The following YEATS2 variants were observed in gnomAD, a reference collection of about 807,000 sequenced individuals.
YEATS2 encodes the protein YEATS domain-containing protein 2.
YEATS2 carries 77 observed loss-of-function variants against 163.2 expected under a neutral mutation model. The observed-to-expected ratio is 0.47, with a 90% CI of 0.39 to 0.57. The LOEUF (loss-of-function observed/expected upper bound fraction) is 0.57, where lower values mean the gene tolerates loss of function less well. Among genes scored for constraint, YEATS2 ranks in the 20% least tolerant of loss-of-function variants. The pLI is 0.00. For missense variants in YEATS2, 1,549 were observed against 1,729.8 expected (o/e 0.90, Z 1.85); for synonymous variants, 631 against 645.1 (o/e 0.98, Z 0.33).
chr3:183,796,222 T>C, intron 21 of YEATS2, among the ~76,000 whole-genome samples: 1 of 147,632 alleles, frequency 6.8e-6, no homozygotes, highest in Admixed American at 6.8e-5. Context: ...GGTCTCGAAC[T>C]CCTGACCGCA....
intron 1 of YEATS2, among the ~76,000 whole-genome samples, chr3:183,708,972 C>T (rs372488596): frequency 6.6e-5 from 10 of 151,840 alleles, no homozygotes; most frequent in Admixed American, 2.0e-4. Flanking sequence ...CCAGCCTGGC[C>T]AACATAGTGA....
chr3:183,760,232 A>T (rs1338938695), intron 13 of YEATS2, among the ~76,000 whole-genome samples: 1 of 151,912 alleles, frequency 6.6e-6, no homozygotes, highest in Non-Finnish European at 1.5e-5. Flanking sequence ...TACAGCCAAG[A>T]AGTGTTCTTC....
At chr3:183,803,853 C>T in intron 26 of YEATS2, 134 bp from the exon 27 acceptor site, 1 of 874,622 alleles carries the variant, frequency 1.1e-6, no homozygotes, top group South Asian at 1.8e-5. Context: ...GGGAGTAACA[C>T]AACCAGGTTT....
At chr3:183,775,416 T>C (rs942527604) in intron 17 of YEATS2, among the ~76,000 whole-genome samples, 7 of 151,848 alleles carry the variant, frequency 4.6e-5, no homozygotes, top group Admixed American at 2.0e-4. Flanking sequence ...TCCAACATGG[T>C]GAAACCCCCT....
intron 19 of YEATS2, 112 bp from the exon 20 acceptor site, chr3:183,786,013 A>G: frequency 7.8e-7 from 1 of 1,277,742 alleles, no homozygotes; most frequent in Non-Finnish European, 1.1e-6. Context: ...GATTGGTAAG[A>G]CTTTCTTGGT....
chr3:183,806,245 A>G (rs1318031433), intron 27 of YEATS2: 1 of 454,278 alleles, frequency 2.2e-6, no homozygotes, highest in East Asian at 7.0e-5. Context: ...TAACTTGAGG[A>G]GCAGCTGGAG....
intron 7 of YEATS2, among the ~76,000 whole-genome samples, chr3:183,733,614 T>C (rs1036080837): frequency 3.9e-5 from 6 of 152,216 alleles, no homozygotes; most frequent in Non-Finnish European, 8.8e-5. Flanking sequence ...TCTAAAGTAA[T>C]TTAACGAATA....
At chr3:183,708,258 T>C (rs934152457) in intron 1 of YEATS2, among the ~76,000 whole-genome samples, 1 of 148,310 alleles carries the variant, frequency 6.7e-6, no homozygotes, top group Non-Finnish European at 1.5e-5. Context: ...GCCTCCTGGG[T>C]TCAAGCAGTT....
At chr3:183,773,293 A>G (rs979677429) in intron 16 of YEATS2, among the ~76,000 whole-genome samples, 3 of 152,194 alleles carry the variant, frequency 2.0e-5, no homozygotes, top group Non-Finnish European at 2.9e-5. Context: ...TTAATCGTCC[A>G]AACCACAGTA....
chr3:183,719,759 C>T (rs1716302932), intron 4 of YEATS2, among the ~76,000 whole-genome samples: 3 of 151,970 alleles, frequency 2.0e-5, no homozygotes, highest in Non-Finnish European at 4.4e-5. Flanking sequence ...TCACTTATAG[C>T]CTCCAACTCC....
At chr3:183,802,752 A>C (rs1380069451) in intron 25 of YEATS2, 1 of 152,686 alleles carries the variant, frequency 6.5e-6, no homozygotes, top group African/African-American at 2.4e-5. Context: ...CAACATGGTG[A>C]AACCCCATCT....
At chr3:183,803,879 A>G in intron 26 of YEATS2, 108 bp from the exon 27 acceptor site, 2 of 1,254,764 alleles carry the variant, frequency 1.6e-6, no homozygotes, top group Non-Finnish European at 1.1e-6. Flanking sequence ...TTTAAAAAAA[A>G]AAATTCTAAC....
At chr3:183,734,203 G>A (rs1289614041) in intron 7 of YEATS2, among the ~76,000 whole-genome samples, 21 of 152,156 alleles carry the variant, frequency 1.4e-4, no homozygotes, top group Admixed American at 1.4e-3. Flanking sequence ...GTCGGACAAT[G>A]CCCAGTCATA....
rs1716554066 is a variant in YEATS2 at position 183,722,071 on chromosome 3, A to C, written c.472A>C (p.Asn158His). 6.2e-7 allele frequency: 1 copy of C among 1,614,096 alleles called. No homozygotes were observed. The highest frequency in any genetic ancestry group is 2.2e-5 in the East Asian group (1 of 44,866). The change falls in exon 5 of 31, where the codon AAT (asparagine) becomes CAT (histidine). Residue 158 changes from asparagine (N) to histidine (H), a missense_variant. By Grantham distance (68) the Asn-to-His change is moderately conservative. Coordinates refer to ENST00000305135, the MANE Select transcript of YEATS2 (RefSeq NM_018023.5). The part of the protein sequence containing the change: ...DFLSDKDNNS[N>H]MDIEERLSNN... ...CTTATCTGACAAAGATAATAACAGC[A>C]ATATGGATATAGAGGAAAGACTCTC...
chr3:183,765,106 T>C (rs1253760280), intron 15 of YEATS2, among the ~76,000 whole-genome samples: 3 of 152,198 alleles, frequency 2.0e-5, no homozygotes, highest in Non-Finnish European at 4.4e-5. Context: ...CCCAACTGCT[T>C]ACTAGTGCTC....
chr3:183,717,794 A>T, intron 3 of YEATS2, 46 bp downstream of exon 3: 1 of 1,198,778 alleles, frequency 8.3e-7, no homozygotes, highest in Non-Finnish European at 1.1e-6. Context: ...TATTGAAAAA[A>T]ATGTATACAT....
chr3:183,787,739 T>G (rs959564898), intron 20 of YEATS2, among the ~76,000 whole-genome samples: 1 of 152,090 alleles, frequency 6.6e-6, no homozygotes, highest in Non-Finnish European at 1.5e-5. Context: ...GGCTCATGCC[T>G]GTAATCCCAG....
chr3:183,793,597 TTTTC>T (rs1187554974), intron 21 of YEATS2: 24 of 240,016 alleles, frequency 1.0e-4, no homozygotes, highest in African/African-American at 1.5e-4. Context: ...CTGTATCACA[TTTTC>T]TTTCTTTCTT....
chr3:183,807,074 TG>T lies in YEATS2; in HGVS notation c.3997del (p.Asp1333MetfsTer27), dbSNP rs1386142391. ...CACCAACCCCAGGGTCTGAATTTAT[TG>T]GGGATGTCACACAGAAGGTAGGGGT... Reference protein sequence around the residue: ...LPPTPGSEFIGDVTQKIGITL... With the variant: ...LPPTPGSEFIXDVTQKIGITL... On this transcript the variant is annotated frameshift_variant, in exon 28 of 31. Transcript: ENST00000305135. LOFTEE classifies it high-confidence loss of function. The T allele has an allele frequency of 1.9e-6, 3 of 1,613,494 alleles. No individual in the cohort carries two copies. In the Admixed American group the frequency reaches 5.0e-5, roughly 27 times the overall value.
Sources: allele counts gnomAD v4.1 joint callset (sites outside exome capture counted in the v4.1 genomes callset), GRCh38; gene constraint gnomAD v4.1.1; transcripts MANE v1.5; gene names NCBI Gene and HGNC (gene_info 2026-07-23, HGNC 2026-07-21).